INTS7: variants seen among roughly 807,000 people sequenced by gnomAD.
INTS7 encodes integrator complex subunit 7, also known as chromosome 1 open reading frame 73.
A neutral mutation model predicts 109.2 loss-of-function variants in INTS7; 46 were observed. The ratio of observed to expected loss-of-function variants is 0.42; its 90% CI spans 0.33 to 0.54. The LOEUF (loss-of-function observed/expected upper bound fraction) is 0.54, where lower values mean the gene tolerates loss of function less well. Among genes scored for constraint, INTS7 ranks in the 20% least tolerant of loss-of-function variants. The probability of loss-of-function intolerance (pLI) is 0.07; values close to 1 mark genes in which losing one functional copy is unlikely to be tolerated. For synonymous variants in INTS7, 412 were observed against 402.9 expected (o/e 1.02, Z -0.27); for missense variants, 929 against 1,132.4 (o/e 0.82, Z 2.58).
intron 1 of INTS7, among the ~76,000 whole-genome samples, chr1:212,032,723 C>T (rs188807912): frequency 1.8e-4 from 27 of 152,298 alleles, no homozygotes; most frequent in African/African-American, 5.3e-4. Context: ...TCGTGATCCG[C>T]CCGCCTCAGC....
At chr1:212,018,051 T>C (rs1666518483) in intron 3 of INTS7, among the ~76,000 whole-genome samples, 1 of 152,194 alleles carries the variant, frequency 6.6e-6, no homozygotes, top group Non-Finnish European at 1.5e-5. Flanking sequence ...TTTCTCTTCC[T>C]ACTTGAGTAC....
At chr1:211,962,905 C>T (rs1461568068) in intron 16 of INTS7, among the ~76,000 whole-genome samples, 1 of 152,090 alleles carries the variant, frequency 6.6e-6, no homozygotes, top group Non-Finnish European at 1.5e-5. Flanking sequence ...GCACTAAACA[C>T]CTACATCAAA....
intron 17 of INTS7, among the ~76,000 whole-genome samples, chr1:211,948,209 C>T (rs79419045): frequency 0.021 from 3,126 of 152,156 alleles, 117 homozygotes; most frequent in African/African-American, 0.07. Context: ...CAGAAAAATC[C>T]ATTCCTTATT....
intron 7 of INTS7, among the ~76,000 whole-genome samples, chr1:212,001,064 C>CTT (rs71137715): frequency 4.9e-4 from 60 of 122,824 alleles, no homozygotes; most frequent in Middle Eastern, 4.5e-3. Context: ...GGCAGAATTC[C>CTT]TTTTTTTTTT....
rs866546480 is a variant in INTS7, at chr1:212,011,664, A to G, written c.510-243T>C. ...GCAGCTCACTTAGGCCATTACCACA[A>G]TACAGTGTTATTTTTTCATAACACT... is the stretch of plus-strand genomic sequence containing the variant. On this transcript the variant is annotated intron_variant, in intron 4 of 19. Coordinates refer to ENST00000366994, the MANE Select transcript of INTS7 (RefSeq NM_015434.4). 7.4e-5 allele frequency: 30 copies of G among 406,148 alleles called. No individual in the cohort carries two copies. In the Middle Eastern group the frequency reaches 3.2e-3, roughly 44 times the overall value. The allele number at this position is 406,148 out of a possible 1,614,324, so 25.2% of individuals were successfully genotyped here.
rs1296254129 is a variant in INTS7 at position 211,941,699 on chromosome 1, C to CA, written c.*124dup. The CA allele has an allele frequency of 1.4e-6, 2 of 1,410,428 alleles. No homozygotes were observed. The highest frequency in any genetic ancestry group is 1.9e-6 in the Non-Finnish European group (2 of 1,049,670). The allele number at this position is 1,410,428 out of a possible 1,614,324, so 87.4% of individuals were successfully genotyped here. A position where few individuals can be genotyped will look rare whatever the true frequency, so the allele number is the denominator to read the frequency against. On this transcript the variant is annotated 3_prime_UTR_variant, in exon 20 of 20. Coordinates refer to ENST00000366994, the MANE Select transcript of INTS7 (RefSeq NM_015434.4). ...AAACAAAATTTTTTCCAGAATATTACATTACAAAAATCAATGAATAAATGA... is the reference window on the plus strand; with the variant it reads ...AAACAAAATTTTTTCCAGAATATTACAATTACAAAAATCAATGAATAAATGA...
chr1:212,006,814 T>G, intron 6 of INTS7, 53 bp from the exon 7 acceptor site: 9 of 1,409,902 alleles, frequency 6.4e-6, no homozygotes, highest in Non-Finnish European at 7.8e-6. Flanking sequence ...AAATGATCAT[T>G]AGAAATGCAG....
chr1:211,978,348 T>G lies in INTS7; in HGVS notation c.1394A>C (p.Asp465Ala), dbSNP rs1410805180. The G allele has an allele frequency of 8.1e-6, 13 of 1,614,174 alleles. No individual in the cohort carries two copies. The highest frequency in any genetic ancestry group is 1.1e-5 in the Non-Finnish European group (13 of 1,180,026). ...AIAMQLPVLG[D>A]GMLGDLMELY... ...CTCCATGAGGTCACCAAGCATCCCA[T>G]CACCCAGCACCGGCAGTTGCATGGC... Residue 465 changes from aspartate to alanine, a missense_variant, in exon 11 of 20, where the codon GAT (aspartate) becomes GCT (alanine). Physicochemically the swap from Asp to Ala is moderately radical, Grantham distance 126 (BLOSUM62 -2). This residue lies in a region of INTS7 where 787 missense variants were observed against 901.1 expected (regional missense o/e 0.87). Coordinates refer to ENST00000366994, the MANE Select transcript of INTS7 (RefSeq NM_015434.4).
At chr1:211,986,599 A>G (rs1190740823) in intron 8 of INTS7, among the ~76,000 whole-genome samples, 3 of 152,234 alleles carry the variant, frequency 2.0e-5, no homozygotes, top group African/African-American at 7.2e-5. Context: ...TTCATGTCAC[A>G]GCTTAACTTC....
At position 211,978,408 on chromosome 1, in the gene INTS7, G is replaced by A. The variant is rs1366048767; in HGVS notation, c.1334C>T (p.Ala445Val). 1.2e-6 allele frequency: 2 copies of A among 1,614,084 alleles called. No homozygotes were observed. Among genetic ancestry groups the A allele is most frequent in the Non-Finnish European group, 1.7e-6 (2 of 1,180,046 alleles). Residue 445 changes from alanine to valine, a missense_variant, in exon 11 of 20, where the codon GCC becomes GTC. Around this residue, in one of 2 missense-constraint regions of INTS7, gnomAD observed 787 missense variants for 901.1 expected, o/e 0.87. Coordinates refer to ENST00000366994, the MANE Select transcript of INTS7 (RefSeq NM_015434.4). ...LTQLHSAQDA[A>V]RILMCHCLAA... The stretch of plus-strand genomic sequence containing the variant: ...CAGGCAATGGCACATCAAAATCCGG[G>A]CAGCGTCTTGAGCACTGTGCAATTG...
chr1:211,968,672 C>T lies in INTS7; in HGVS notation c.1851G>A (p.Gln617=). The part of the protein sequence containing the change: ...ASTPLNPLSF[Q]CEFVKLRIDL... ...CAATCCTGAGTTTTACAAATTCACA[C>T]TGAAAGCTTAAAGGATTCAGTGGTG... The change falls in exon 14 of 20, where the codon CAG becomes CAA. Residue 617 remains glutamine, a synonymous_variant. Transcript: ENST00000366994. 6.2e-7 allele frequency: 1 copy of T among 1,610,434 alleles called. No homozygotes were observed. The highest frequency in any genetic ancestry group is 8.5e-7 in the Non-Finnish European group (1 of 1,179,112).
At chr1:212,009,403 C>T (rs554711357) in intron 5 of INTS7, among the ~76,000 whole-genome samples, 18 of 152,292 alleles carry the variant, frequency 1.2e-4, no homozygotes, top group African/African-American at 3.9e-4. Context: ...TCATCAACTC[C>T]CTTGCTATCT....
chr1:212,035,547 A>T lies in INTS7; in HGVS notation c.-110T>A. ...CTGGTTTTTCTTCCGCGCGCTGTCA[A>T]GCCCTGTTACGCATGCGCCCTGGTC... On this transcript the variant is annotated 5_prime_UTR_variant, in exon 1 of 20. In the 5' UTR this introduces an upstream ATG that the reference lacks. Transcript: ENST00000366994. The T allele has an allele frequency of 1.1e-6, 1 of 883,320 alleles. No individual in the cohort carries two copies. Among genetic ancestry groups the T allele is most frequent in the Non-Finnish European group, 1.9e-6 (1 of 539,974 alleles). The allele number at this position is 883,320 out of a possible 1,614,324, so 54.7% of individuals were successfully genotyped here.
chr1:211,993,537 A>G (rs563947729), intron 7 of INTS7, among the ~76,000 whole-genome samples: 3,026 of 151,942 alleles, frequency 0.02, 31 homozygotes, highest in African/African-American at 0.025. Flanking sequence ...AAAATTAGCT[A>G]GGCGTGGTGG....
intron 7 of INTS7, among the ~76,000 whole-genome samples, chr1:211,992,366 TA>T (rs1176435759): frequency 6.6e-6 from 1 of 152,166 alleles, no homozygotes; most frequent in Non-Finnish European, 1.5e-5. Context: ...TTTTACCATT[TA>T]AAAAACTGAA....
intron 3 of INTS7, 46 bp from the exon 4 acceptor site, chr1:212,017,069 C>G (rs762889960): frequency 2.0e-6 from 3 of 1,510,130 alleles, no homozygotes; most frequent in East Asian, 2.5e-5. Context: ...AAAATAAAGT[C>G]AAGGTCAGAA....
At chr1:212,032,452 GCCC>G (rs776648306) in intron 1 of INTS7, among the ~76,000 whole-genome samples, 7 of 151,232 alleles carry the variant, frequency 4.6e-5, no homozygotes, top group Non-Finnish European at 1.0e-4. Flanking sequence ...GGCTTGCACG[GCCC>G]TACCTGAACG....
chr1:211,977,339 T>C (rs1664464882), intron 11 of INTS7, among the ~76,000 whole-genome samples: 2 of 152,230 alleles, frequency 1.3e-5, no homozygotes, highest in African/African-American at 4.8e-5. Context: ...TTATGTTTCA[T>C]AATTTAAGAC....
intron 7 of INTS7, among the ~76,000 whole-genome samples, chr1:211,998,471 G>C (rs1482104060): frequency 1.3e-5 from 2 of 152,140 alleles, no homozygotes; most frequent in Non-Finnish European, 2.9e-5. Flanking sequence ...GGAAAGAAAA[G>C]TTTTCCCCAC....
Sources: allele counts gnomAD v4.1 joint callset (sites outside exome capture counted in the v4.1 genomes callset), GRCh38; gene constraint gnomAD v4.1.1; regional missense constraint gnomAD v4.1.1; transcripts MANE v1.5; gene names NCBI Gene and HGNC (gene_info 2026-07-23, HGNC 2026-07-21).